CAPN7: variants seen among roughly 807,000 people sequenced by gnomAD.
CAPN7 encodes the protein calpain 7, also known as calpain-7.
CAPN7 carries 72 observed loss-of-function variants against 115.2 expected under a neutral mutation model. That is an observed-to-expected ratio of 0.63 (90% CI 0.52 to 0.76). The LOEUF is 0.76. CAPN7 is among the 30% of genes least tolerant of loss of function. The pLI is 0.00. For missense variants in CAPN7, 905 were observed against 971.5 expected, an observed-to-expected ratio of 0.93 and a Z score of 0.91; for synonymous variants, 344 against 322.3, an observed-to-expected ratio of 1.07 and a Z score of -0.72.
chr3:15,250,892 A>G, intron 19 of CAPN7, 39 bp from the exon 20 acceptor site: 1 of 1,325,628 alleles, frequency 7.5e-7, no homozygotes, highest in Non-Finnish European at 1.1e-6. Flanking sequence ...GTTTGAGAAT[A>G]TATATTAATA....
At chr3:15,217,345 T>C (rs1693689874) in intron 2 of CAPN7, 80 bp from the exon 3 acceptor site, 2 of 1,217,102 alleles carry the variant, frequency 1.6e-6, no homozygotes, top group Non-Finnish European at 2.2e-6. Context: ...TGGTAAAAAA[T>C]GTCTTAAATA....
At chr3:15,220,397 A>G (rs189498811) in intron 4 of CAPN7, among the ~76,000 whole-genome samples, 8 of 152,284 alleles carry the variant, frequency 5.3e-5, no homozygotes, top group African/African-American at 1.7e-4. Flanking sequence ...TAAGTGAATA[A>G]CTTCTGTTGT....
chr3:15,231,848 A>C (rs1694710146), intron 9 of CAPN7, among the ~76,000 whole-genome samples: 1 of 152,100 alleles, frequency 6.6e-6, no homozygotes, highest in South Asian at 2.1e-4. Flanking sequence ...TTTTAATATG[A>C]ATTAGATACT....
chr3:15,208,225 T>A (rs2044740626), intron 1 of CAPN7, among the ~76,000 whole-genome samples: 1 of 151,554 alleles, frequency 6.6e-6, no homozygotes, highest in Non-Finnish European at 1.5e-5. Flanking sequence ...TTTTTTTTTT[T>A]ACAAACTGGT....
chr3:15,235,118 T>C lies in CAPN7; in HGVS notation c.1380T>C (p.Tyr460=), dbSNP rs1358745308. 1.9e-6 allele frequency: 3 copies of C among 1,612,956 alleles called. No individual in the cohort carries two copies. Among genetic ancestry groups the C allele is most frequent in the African/African-American group, 1.3e-5 (1 of 74,932 alleles). ...GGGGTCTGGTTCCCACACACGCATA[T>C]GCTGTTTTGGATATTAGAGAGTTCA... ...EKWGLVPTHA[Y]AVLDIREFKG... The change falls in exon 12 of 21, where the codon TAT becomes TAC. Residue 460 remains tyrosine (Y), a synonymous_variant. Coordinates refer to ENST00000253693, the MANE Select transcript of CAPN7 (RefSeq NM_014296.3).
chr3:15,215,507 C>T lies in CAPN7; in HGVS notation c.212-1918C>T, dbSNP rs111631640. Among the ~76,000 whole-genome samples the T allele has an allele frequency of 2.7e-3, 417 of 152,300 alleles. 6 individuals carry two copies. The highest frequency in any genetic ancestry group is 9.6e-3 in the African/African-American group (398 of 41,548). ...ATTAGCAGTCAATCCCCATTCCTCC[C>T]TCCCCCTAGCCACCACTAATCTTGT... On this transcript the variant is annotated intron_variant, in intron 2 of 20. Coordinates refer to ENST00000253693, the MANE Select transcript of CAPN7 (RefSeq NM_014296.3).
chr3:15,229,100 C>A (rs375942691), intron 8 of CAPN7, 41 bp downstream of exon 8: 80 of 1,406,336 alleles, frequency 5.7e-5, no homozygotes, highest in Non-Finnish European at 7.9e-5. Flanking sequence ...GTGTAATTGT[C>A]CCTTAACTAG....
chr3:15,223,364 G>T (rs1694115299), intron 5 of CAPN7, 111 bp from the exon 6 acceptor site: 3 of 696,998 alleles, frequency 4.3e-6, no homozygotes, highest in Non-Finnish European at 7.6e-6. Flanking sequence ...GAGGTTGTCA[G>T]TTTAATTTTA....
At chr3:15,212,740 A>T (rs2045026627) in intron 2 of CAPN7, among the ~76,000 whole-genome samples, 1 of 152,210 alleles carries the variant, frequency 6.6e-6, no homozygotes, top group Non-Finnish European at 1.5e-5. Flanking sequence ...AACAGGTACA[A>T]TAATAGAAAT....
chr3:15,237,959 A>G (rs1209266503), intron 12 of CAPN7, among the ~76,000 whole-genome samples: 1 of 151,950 alleles, frequency 6.6e-6, no homozygotes, highest in African/African-American at 2.4e-5. Flanking sequence ...ACACAGTGAC[A>G]CCCTGCCTCA....
chr3:15,234,070 C>A, intron 11 of CAPN7, 97 bp downstream of exon 11: 1 of 629,782 alleles, frequency 1.6e-6, no homozygotes, highest in Non-Finnish European at 2.7e-6. Context: ...AATCCCAGCA[C>A]TATGGGAGGC....
In CAPN7 at chr3:15,230,487, A is replaced by C; in HGVS notation, c.984A>C (p.Pro328=). Residue 328 remains proline, a synonymous_variant, in exon 9 of 21, where the codon CCA becomes CCC. Coordinates refer to ENST00000253693, the MANE Select transcript of CAPN7 (RefSeq NM_014296.3). ...AGGATGGTGAACCAGAATACAATCC[A>C]TGTGGGAAGTATATGGTAAAACTTC... The part of the protein sequence containing the change: ...QNKDGEPEYN[P]CGKYMVKLHL... 6.2e-7 allele frequency: 1 copy of C among 1,613,300 alleles called. No individual in the cohort carries two copies. Among genetic ancestry groups the C allele is most frequent in the Non-Finnish European group, 8.5e-7 (1 of 1,179,364 alleles).
Position 15,235,043 on chromosome 3 carries a change from C to T in CAPN7, c.1305C>T (p.Val435=). ...MLYQRFHKGD[V]LITASTGMMT... is the part of the protein sequence containing the mutation. The stretch of plus-strand genomic sequence containing the variant: ...ATTCCAGATTTCACAAAGGAGATGT[C>T]CTCATCACTGCGTCAACTGGAATGA... The change falls in exon 12 of 21, where the codon GTC becomes GTT. Residue 435 remains valine, a synonymous_variant. Transcript: ENST00000253693. The T allele has an allele frequency of 6.2e-7, 1 of 1,612,514 alleles. No homozygotes were observed. The highest frequency in any genetic ancestry group is 8.5e-7 in the Non-Finnish European group (1 of 1,179,352).
At chr3:15,242,659 GAC>G (rs1319348365) in intron 16 of CAPN7, among the ~76,000 whole-genome samples, 1 of 152,044 alleles carries the variant, frequency 6.6e-6, no homozygotes, top group Non-Finnish European at 1.5e-5. Flanking sequence ...TCTCACAGTT[GAC>G]ATAGTTGCTA....
intron 14 of CAPN7, among the ~76,000 whole-genome samples, chr3:15,241,175 A>T (rs1478726784): frequency 1.3e-5 from 2 of 152,218 alleles, no homozygotes; most frequent in African/African-American, 4.8e-5. Context: ...ACTGCACTCC[A>T]GCCCGGACAA....
chr3:15,232,491 TAAG>T, intron 9 of CAPN7, 25 bp from the exon 10 acceptor site: 1 of 1,573,532 alleles, frequency 6.4e-7, no homozygotes, highest in South Asian at 1.2e-5. Flanking sequence ...TTTGTGCACC[TAAG>T]AAGGTTAATG....
At chr3:15,221,208 G>A (rs59114013) in intron 5 of CAPN7, among the ~76,000 whole-genome samples, 1 of 151,592 alleles carries the variant, frequency 6.6e-6, no homozygotes, top group African/African-American at 2.4e-5. Flanking sequence ...GAGACAGAGT[G>A]TCACTCTGTT....
intron 19 of CAPN7, among the ~76,000 whole-genome samples, chr3:15,249,291 C>T (rs775761920): frequency 6.6e-6 from 1 of 151,754 alleles, no homozygotes. Flanking sequence ...TTGTTTATTC[C>T]CTATTCATGT....
rs1696061700 is a variant in CAPN7 at position 15,252,874 on chromosome 3, T to A, written c.*1614T>A. On this transcript the variant is annotated 3_prime_UTR_variant, in exon 21 of 21. Coordinates refer to ENST00000253693, the MANE Select transcript of CAPN7 (RefSeq NM_014296.3). ...TACTATGTACCCAATGTGTATATTT[T>A]TCTTTTTAATCTTCCCAATAGCTGA... 1 of 151,882 alleles carries A rather than the reference T, an allele frequency of 6.6e-6. No individual in the cohort carries two copies. The highest frequency in any genetic ancestry group is 2.4e-5 in the African/African-American group (1 of 41,122). The allele number at this position is 151,882 out of a possible 1,614,324, so 9.4% of individuals were successfully genotyped here. A position where few individuals can be genotyped will look rare whatever the true frequency, so the allele number is the denominator to read the frequency against.
Sources: gnomAD v4.1 joint callset for allele counts (sites outside exome capture counted in the v4.1 genomes callset) on GRCh38, gnomAD v4.1.1 for gene constraint, MANE v1.5 for transcripts, NCBI Gene and HGNC (gene_info 2026-07-23, HGNC 2026-07-21) for gene names.